The following PLK5 variants were observed in gnomAD, a reference collection of about 807,000 sequenced individuals.
PLK5 encodes polo like kinase 5 (inactive).
A neutral mutation model predicts 33.7 loss-of-function variants in PLK5; 28 were observed. The observed-to-expected ratio is 0.83, with a 90% CI of 0.62 to 1.14. PLK5 has a LOEUF of 1.14. PLK5 is among the 50% of genes most tolerant of loss of function. PLK5 has a pLI of 0.00. For missense variants in PLK5, 492 were observed against 461.5 expected (o/e 1.07, Z -0.61); for synonymous variants, 225 against 202.2 (o/e 1.11, Z -0.96).
chr19:1,533,615 GCAGAGCTGCT>G, intron 12 of PLK5: 1 of 538,398 alleles, frequency 1.9e-6, no homozygotes. Context: ...TGTAACTAGG[GCAGAGCTGCT>G]CTTTAAAGCC....
Position 1,528,121 on chromosome 19 carries a change from A to G in PLK5, c.188A>G (p.Asp63Gly). 6.5e-7 allele frequency: 1 copy of G among 1,535,168 alleles called. No homozygotes were observed. Among genetic ancestry groups the G allele is most frequent in the Non-Finnish European group, 8.7e-7 (1 of 1,146,414 alleles). ...RPSLDHLLQD[D>G]FFTQGFTPDR... ...AGCCTGGACCACCTGCTGCAGGACGACTTCTTCACACAGGTGGGCGGCGGT... is the reference window on the plus strand; with the variant it reads ...AGCCTGGACCACCTGCTGCAGGACGGCTTCTTCACACAGGTGGGCGGCGGT... The change falls in exon 7 of 14, where the codon GAC becomes GGC. Residue 63 changes from aspartate to glycine, a missense_variant. Asp to Gly is a moderately conservative substitution (Grantham distance 94). Coordinates refer to ENST00000454744, the MANE Select transcript of PLK5 (RefSeq NM_001243079.2).
intron 11 of PLK5, 96 bp downstream of exon 11, chr19:1,529,920 G>T: frequency 1.5e-6 from 2 of 1,319,302 alleles, no homozygotes; most frequent in Non-Finnish European, 2.0e-6. Flanking sequence ...GTATTTCTGG[G>T]GGTGAGGAGT....
At chr19:1,532,905 A>G (rs1435657479) in intron 12 of PLK5, among the ~76,000 whole-genome samples, 1 of 151,390 alleles carries the variant, frequency 6.6e-6, no homozygotes, top group African/African-American at 2.4e-5. Context: ...TGACCTCGTG[A>G]TCTGCCCGCC....
rs750818336 is a variant in PLK5, at chr19:1,535,223, C to T, written c.984C>T (p.His328=). ...CCACCACCGGACAGCACCTTCACCA[C>T]GCCCTCCGCATGCTGCAGAGTATCT... ...CAPTTGQHLH[H]ALRMLQSI Residue 328 remains histidine, a synonymous_variant, in exon 14 of 14, where the codon CAC becomes CAT. Coordinates refer to ENST00000454744, the MANE Select transcript of PLK5 (RefSeq NM_001243079.2). 74 of 1,535,830 alleles carry T rather than the reference C, an allele frequency of 4.8e-5. No individual in the cohort carries two copies. The highest frequency in any genetic ancestry group is 2.4e-4 in the South Asian group (20 of 84,044).
At chr19:1,530,682 T>G (rs1195114183) in intron 11 of PLK5, among the ~76,000 whole-genome samples, 1 of 135,716 alleles carries the variant, frequency 7.4e-6, no homozygotes, top group African/African-American at 2.7e-5. Flanking sequence ...TGCTGTGGCG[T>G]GATCTCGGCT....
chr19:1,533,931 G>T lies in PLK5; in HGVS notation c.715G>T (p.Glu239Ter). 1 of 1,533,334 alleles carries T rather than the reference G, an allele frequency of 6.5e-7. No homozygotes were observed. Among genetic ancestry groups the T allele is most frequent in the Admixed American group, 2.0e-5 (1 of 50,988 alleles). The allele number at this position is 1,533,334 out of a possible 1,614,324, so 95.0% of individuals were successfully genotyped here. The change falls in exon 13 of 14, where the codon GAG becomes TAG. Residue 239 changes from glutamate (E) to a stop codon, truncating the protein, a stop_gained and splice_region_variant. Transcript: ENST00000454744. LOFTEE classifies it high-confidence loss of function. Reference protein sequence around the residue: ...HPHGPATPRREGTLPTPVPPA... With the variant: ...HPHGPATPRR ...TGACCTCAGCCGAGTCTGTCCACAG[G>T]AGGGGACCCTCCCCACACCTGTGCC... is the stretch of plus-strand genomic sequence containing the variant.
At position 1,535,641 on chromosome 19, in the gene PLK5, G is replaced by A; in HGVS notation, c.*391G>A. On this transcript the variant is annotated 3_prime_UTR_variant, in exon 14 of 14. Transcript: ENST00000454744. ...CTCATGCCTGGAATCCCAGCACTTT[G>A]GGAGGCCAAGGCAGGAGGATCGCTT... 1 of 202,134 alleles carries A rather than the reference G, an allele frequency of 4.9e-6. No individual in the cohort carries two copies. Among genetic ancestry groups the A allele is most frequent in the South Asian group, 8.2e-5 (1 of 12,142 alleles). The allele number at this position is 202,134 out of a possible 1,614,324, so 12.5% of individuals were successfully genotyped here.
At chr19:1,527,040 G>A in intron 6 of PLK5, 42 bp downstream of exon 6, 1 of 1,366,214 alleles carries the variant, frequency 7.3e-7, no homozygotes, top group Non-Finnish European at 9.8e-7. Flanking sequence ...CCTCCGGGGG[G>A]GGCAGGTGTG....
At chr19:1,529,880 T>A (rs559976754) in intron 11 of PLK5, 56 bp downstream of exon 11, 31 of 1,499,560 alleles carry the variant, frequency 2.1e-5, no homozygotes, top group Middle Eastern at 1.7e-4. Context: ...CAAGTAAAAT[T>A]GCCTTCATTC....
chr19:1,533,708 C>A, intron 12 of PLK5: 1 of 598,896 alleles, frequency 1.7e-6, no homozygotes, highest in South Asian at 2.0e-5. Context: ...GGCCCTGTGT[C>A]CTGGCCCCAG....
chr19:1,535,525 G>A lies in PLK5; in HGVS notation c.*275G>A, dbSNP rs1004491921. 16 of 457,504 alleles carry A rather than the reference G, an allele frequency of 3.5e-5. No individual in the cohort carries two copies. The highest frequency in any genetic ancestry group is 2.2e-4 in the Admixed American group (5 of 22,832). 28.3% of individuals were successfully genotyped at this position (457,504 alleles called of 1,614,324 possible). On this transcript the variant is annotated 3_prime_UTR_variant, in exon 14 of 14. Coordinates refer to ENST00000454744, the MANE Select transcript of PLK5 (RefSeq NM_001243079.2). Reference sequence around the variant, plus strand: ...TTTGGCAAAGAAACGTTGACCCCACGTGACGTTGCATCCTCCCTGTTTCTC... The same window carrying A: ...TTTGGCAAAGAAACGTTGACCCCACATGACGTTGCATCCTCCCTGTTTCTC...
At chr19:1,529,726 C>T (rs937416076) in intron 10 of PLK5, 21 bp from the exon 11 acceptor site, 2 of 1,535,804 alleles carry the variant, frequency 1.3e-6, no homozygotes, top group Non-Finnish European at 1.7e-6. Flanking sequence ...CTGTCTGCGG[C>T]ACAAAGACCT....
intron 12 of PLK5, 82 bp downstream of exon 12, chr19:1,531,965 A>T: frequency 2.9e-6 from 4 of 1,389,946 alleles, no homozygotes; most frequent in Non-Finnish European, 3.7e-6. Context: ...TTTATTAAGC[A>T]CCTACTGTGC....
At chr19:1,534,199 A>G (rs12608783) in intron 13 of PLK5, among the ~76,000 whole-genome samples, 158 bp downstream of exon 13, 21,432 of 150,538 alleles carry the variant, frequency 0.14, 2,081 homozygotes, top group East Asian at 0.37. Flanking sequence ...GTACAAAACC[A>G]CAGCATGGAA....
chr19:1,532,840 G>A (rs577749729), intron 12 of PLK5, among the ~76,000 whole-genome samples: 1 of 151,628 alleles, frequency 6.6e-6, no homozygotes, highest in Non-Finnish European at 1.5e-5. Context: ...CTAATTTTTT[G>A]TATTTTTAGT....
chr19:1,524,078 G>A lies in PLK5; in HGVS notation c.-712G>A, dbSNP rs1913658535. On this transcript the variant is annotated 5_prime_UTR_variant, in exon 1 of 14. Transcript: ENST00000454744. This position sits in a 1 kb window ranked among gnomAD's most constrained non-coding sequence, Gnocchi z 4.5. ...CTCCCCGGCGGCTCCTGCGCCCTCAGAGCGGCCCCGGAGCGGCCGCAGCGC... is the reference window on the plus strand; with the variant it reads ...CTCCCCGGCGGCTCCTGCGCCCTCAAAGCGGCCCCGGAGCGGCCGCAGCGC... 1 of 151,292 alleles carries A rather than the reference G, an allele frequency of 6.6e-6. No homozygotes were observed. The highest frequency in any genetic ancestry group is 2.4e-5 in the African/African-American group (1 of 41,284). The allele number at this position is 151,292 out of a possible 1,614,324, so 9.4% of individuals were successfully genotyped here.
chr19:1,533,567 A>G (rs1367137834), intron 12 of PLK5, among the ~76,000 whole-genome samples: 1 of 152,086 alleles, frequency 6.6e-6, no homozygotes, highest in Non-Finnish European at 1.5e-5. Flanking sequence ...GCTGAGGTGA[A>G]GAGAGGACAG....
At position 1,531,589 on chromosome 19, in the gene PLK5, T is replaced by A. The variant is rs143210324; in HGVS notation, c.569-149T>A. On this transcript the variant is annotated intron_variant, in intron 11 of 13. Transcript: ENST00000454744. Reference sequence around the variant, plus strand: ...TGGCTTCTGTTGATGTCTGGTCTCCTAGAATCCACCACCGAAGCCCCCAAG... The same window carrying A: ...TGGCTTCTGTTGATGTCTGGTCTCCAAGAATCCACCACCGAAGCCCCCAAG... The A allele has an allele frequency of 1.6e-3, 1,476 of 914,230 alleles. 12 individuals carry two copies. In the African/African-American group the frequency reaches 0.022, roughly 14 times the overall value. The allele number at this position is 914,230 out of a possible 1,614,324, so 56.6% of individuals were successfully genotyped here.
intron 13 of PLK5, among the ~76,000 whole-genome samples, chr19:1,534,600 T>C (rs1914034899): frequency 7.0e-6 from 1 of 142,806 alleles, no homozygotes; most frequent in Non-Finnish European, 1.5e-5. Flanking sequence ...GGTCAGGAGA[T>C]AGAGACCATC....
Sources: gnomAD v4.1 joint callset for allele counts (sites outside exome capture counted in the v4.1 genomes callset) on GRCh38, gnomAD v4.1.1 for gene constraint, Gnocchi (gnomAD v3.1) non-coding constraint, MANE v1.5 for transcripts, NCBI Gene and HGNC (gene_info 2026-07-23, HGNC 2026-07-21) for gene names.